HEY2: variants seen among roughly 807,000 people sequenced by gnomAD.
HEY2 encodes the protein hairy/enhancer-of-split related with YRPW motif protein 2.
HEY2 carries 10 observed loss-of-function variants against 18.1 expected under a neutral mutation model. That is an observed-to-expected ratio of 0.55 (90% CI 0.34 to 0.94). The LOEUF (loss-of-function observed/expected upper bound fraction) is 0.94, where lower values mean the gene tolerates loss of function less well. HEY2 is among the 40% of genes least tolerant of loss of function. The pLI is 0.02. For synonymous variants in HEY2, 210 were observed against 182.7 expected (o/e 1.15, Z -1.21); for missense variants, 455 against 455.9 (o/e 1.00, Z 0.02).
chr6:125,759,250 G>A lies in HEY2; in HGVS notation c.462G>A (p.Val154=), dbSNP rs1391354657. The change falls in exon 5 of 5, where the codon GTG becomes GTA. Residue 154 remains valine (V), a synonymous_variant. Coordinates refer to ENST00000368364, the MANE Select transcript of HEY2 (RefSeq NM_012259.3). ...DSSDPLRVRL[V]SHLSTCATQR... The stretch of plus-strand genomic sequence containing the variant: ...CGGATCCGCTGCGGGTGCGGCTTGT[G>A]TCTCATCTCAGCACTTGCGCCACCC... 3 of 1,609,582 alleles carry A rather than the reference G, an allele frequency of 1.9e-6. No homozygotes were observed. Among genetic ancestry groups the A allele is most frequent in the East Asian group, 2.2e-5 (1 of 44,852 alleles).
intron 4 of HEY2, 40 bp from the exon 5 acceptor site, chr6:125,759,077 T>C: frequency 6.7e-7 from 1 of 1,499,958 alleles, no homozygotes; most frequent in Non-Finnish European, 9.0e-7. Flanking sequence ...CTCCCGCCCA[T>C]CTCTCTCCTG....
rs910471341 is a variant in HEY2, at chr6:125,750,227, G to A, written c.83+368G>A. 10 of 983,644 alleles carry A rather than the reference G, an allele frequency of 1.0e-5. No individual in the cohort carries two copies. The Admixed American group carries it at 3.1e-4, about 30-fold the overall frequency. 60.9% of individuals were successfully genotyped at this position (983,644 alleles called of 1,614,324 possible). The stretch of plus-strand genomic sequence containing the variant: ...GGGGCACTTTCAAAATAGATCAGGA[G>A]AAAATAAAAACAATTTGATTTTTGA... On this transcript the variant is annotated intron_variant, in intron 1 of 4. Coordinates refer to ENST00000368364, the MANE Select transcript of HEY2 (RefSeq NM_012259.3).
At chr6:125,755,406 G>A (rs1407354999) in intron 4 of HEY2, among the ~76,000 whole-genome samples, 3 of 152,184 alleles carry the variant, frequency 2.0e-5, no homozygotes, top group African/African-American at 7.2e-5. Flanking sequence ...AGCCAAGGGT[G>A]TTATTCAGTA....
In HEY2 at chr6:125,760,872, G is replaced by A. The variant is rs1773788488; in HGVS notation, c.*1070G>A. 6.6e-6 allele frequency: 1 copy of A among 152,644 alleles called. No homozygotes were observed. Among genetic ancestry groups the A allele is most frequent in the South Asian group, 2.1e-4 (1 of 4,834 alleles). 9.5% of individuals were successfully genotyped at this position (152,644 alleles called of 1,614,324 possible). A position where few individuals can be genotyped will look rare whatever the true frequency, so the allele number is the denominator to read the frequency against. On this transcript the variant is annotated 3_prime_UTR_variant, in exon 5 of 5. Transcript: ENST00000368364. ...TACAATTTTTAAAGCTCTTTGTCAAGTTAGTGATTGCATTTGATCCCAAAA... is the reference window on the plus strand; with the variant it reads ...TACAATTTTTAAAGCTCTTTGTCAAATTAGTGATTGCATTTGATCCCAAAA...
At chr6:125,756,273 G>A (rs1773653744) in intron 4 of HEY2, among the ~76,000 whole-genome samples, 1 of 152,164 alleles carries the variant, frequency 6.6e-6, no homozygotes, top group Non-Finnish European at 1.5e-5. Context: ...TGGCCTTCAA[G>A]AAGGGAGCTG....
chr6:125,761,003 G>A lies in HEY2; in HGVS notation c.*1201G>A, dbSNP rs1338159619. 2.0e-5 allele frequency: 3 copies of A among 152,568 alleles called. No homozygotes were observed. The East Asian group carries it at 5.8e-4, about 29-fold the overall frequency. The allele number at this position is 152,568 out of a possible 1,614,324, so 9.5% of individuals were successfully genotyped here. A position where few individuals can be genotyped will look rare whatever the true frequency, so the allele number is the denominator to read the frequency against. On this transcript the variant is annotated 3_prime_UTR_variant, in exon 5 of 5. Transcript: ENST00000368364. ...TTTGTTTTTTTCGATTTCGTTTAAT[G>A]ACAAAATAATCTCTTAATATGCTGA...
chr6:125,759,331 C>A lies in HEY2; in HGVS notation c.543C>A (p.His181Gln), dbSNP rs144406333. The A allele has an allele frequency of 1.2e-6, 2 of 1,605,152 alleles. No individual in the cohort carries two copies. The highest frequency in any genetic ancestry group is 1.1e-5 in the South Asian group (1 of 90,666). ...TGGCCCACCACCATCATCCGCTCCA[C>A]CCGCATCACTGGGCCGCCGCCTTCC... The part of the protein sequence containing the change: ...SSMAHHHHPL[H>Q]PHHWAAAFHH... Residue 181 changes from histidine to glutamine, a missense_variant, in exon 5 of 5, where the codon CAC (histidine) becomes CAA (glutamine). Transcript: ENST00000368364.
At chr6:125,752,499 A>G (rs1773573137) in intron 3 of HEY2, among the ~76,000 whole-genome samples, 2 of 152,086 alleles carry the variant, frequency 1.3e-5, no homozygotes, top group Admixed American at 6.5e-5. Context: ...AAAAACAATC[A>G]GAGCCCAAGA....
intron 1 of HEY2, chr6:125,750,251 G>T (rs2128527848): frequency 3.0e-6 from 3 of 985,158 alleles, no homozygotes; most frequent in Non-Finnish European, 1.2e-6. Context: ...TTTGATTTTT[G>T]ATTTTTAGAG....
chr6:125,759,244 G>C lies in HEY2; in HGVS notation c.456G>C (p.Arg152=), dbSNP rs1773729925. The part of the protein sequence containing the change: ...GLDSSDPLRV[R]LVSHLSTCAT... ...ACTCCTCGGATCCGCTGCGGGTGCGGCTTGTGTCTCATCTCAGCACTTGCG... is the reference window on the plus strand; with the variant it reads ...ACTCCTCGGATCCGCTGCGGGTGCGCCTTGTGTCTCATCTCAGCACTTGCG... Residue 152 remains arginine, a synonymous_variant, in exon 5 of 5, where the codon CGG becomes CGC. Transcript: ENST00000368364. 1.2e-6 allele frequency: 2 copies of C among 1,609,940 alleles called. No homozygotes were observed. Among genetic ancestry groups the C allele is most frequent in the African/African-American group, 2.7e-5 (2 of 74,924 alleles).
intron 3 of HEY2, among the ~76,000 whole-genome samples, chr6:125,754,062 C>T (rs1292613676): frequency 1.3e-5 from 2 of 152,144 alleles, no homozygotes; most frequent in Non-Finnish European, 2.9e-5. Flanking sequence ...AGTTGTTATG[C>T]AACTCCTCTA....
At position 125,759,192 on chromosome 6, in the gene HEY2, G is replaced by T; in HGVS notation, c.404G>T (p.Arg135Leu). 6.2e-7 allele frequency: 1 copy of T among 1,613,562 alleles called. No homozygotes were observed. The highest frequency in any genetic ancestry group is 8.5e-7 in the Non-Finnish European group (1 of 1,180,010). Reference protein sequence around the residue: ...GFRECLTEVARYLSSVEGLDS... With the variant: ...GFRECLTEVALYLSSVEGLDS... ...CGAGAGTGCCTAACAGAAGTTGCGC[G>T]GTACCTGAGCTCCGTGGAAGGCCTG... The change falls in exon 5 of 5, where the codon CGG (arginine) becomes CTG (leucine). Residue 135 changes from arginine (R) to leucine (L), a missense_variant. Arg to Leu is a moderately radical substitution (Grantham distance 102). Coordinates refer to ENST00000368364, the MANE Select transcript of HEY2 (RefSeq NM_012259.3).
intron 3 of HEY2, among the ~76,000 whole-genome samples, chr6:125,752,851 C>T (rs1239483764): frequency 1.3e-5 from 2 of 152,182 alleles, no homozygotes; most frequent in African/African-American, 4.8e-5. Flanking sequence ...GGCAGCATGT[C>T]CTTGTTGAAA....
rs1773776008 is a variant in HEY2, at chr6:125,760,430, CCTT to C, written c.*632_*634del. ...AAAGATCTAGTTTTATCTTAGTTTG[CCTT>C]CTTTGTACAGACATGCCAAGAGGTG... On this transcript the variant is annotated 3_prime_UTR_variant, in exon 5 of 5. Coordinates refer to ENST00000368364, the MANE Select transcript of HEY2 (RefSeq NM_012259.3). 6.5e-6 allele frequency: 1 copy of C among 152,704 alleles called. No individual in the cohort carries two copies. The highest frequency in any genetic ancestry group is 2.1e-4 in the South Asian group (1 of 4,848). 9.5% of individuals were successfully genotyped at this position (152,704 alleles called of 1,614,324 possible).
intron 4 of HEY2, among the ~76,000 whole-genome samples, chr6:125,755,691 C>G (rs1773640929): frequency 6.6e-6 from 1 of 152,170 alleles, no homozygotes; most frequent in African/African-American, 2.4e-5. Flanking sequence ...CAGAGAAGCC[C>G]CAATGGGTTG....
At position 125,759,954 on chromosome 6, in the gene HEY2, T is replaced by G. The variant is rs1583192118; in HGVS notation, c.*152T>G. On this transcript the variant is annotated 3_prime_UTR_variant, in exon 5 of 5. Transcript: ENST00000368364. ...GAGACACAAACCTCACGAGTGGAAA[T>G]GTGGTATTCTCTTTTTTTTCTCTCC... 7 of 673,744 alleles carry G rather than the reference T, an allele frequency of 1.0e-5. No homozygotes were observed. The East Asian group carries it at 1.9e-4, about 18-fold the overall frequency. 41.7% of individuals were successfully genotyped at this position (673,744 alleles called of 1,614,324 possible). A position where few individuals can be genotyped will look rare whatever the true frequency, so the allele number is the denominator to read the frequency against.
chr6:125,753,990 AG>A, intron 3 of HEY2, among the ~76,000 whole-genome samples: 1 of 152,288 alleles, frequency 6.6e-6, no homozygotes, highest in African/African-American at 2.4e-5. Flanking sequence ...GACTTATTGG[AG>A]TTTTCTATTT....
chr6:125,759,774 C>T lies in HEY2; in HGVS notation c.986C>T (p.Pro329Leu). 5.0e-6 allele frequency: 8 copies of T among 1,613,994 alleles called. No homozygotes were observed. Among genetic ancestry groups the T allele is most frequent in the Non-Finnish European group, 6.8e-6 (8 of 1,180,018 alleles). The change falls in exon 5 of 5, where the codon CCC becomes CTC. Residue 329 changes from proline (P) to leucine (L), a missense_variant. Pro to Leu is a moderately conservative substitution (Grantham distance 98). Coordinates refer to ENST00000368364, the MANE Select transcript of HEY2 (RefSeq NM_012259.3). ...GGAACAAACAATAAACCTTACCGAC[C>T]CTGGGGGACAGAAGTTGGAGCTTTT... Reference protein sequence around the residue: ...SSGTNNKPYRPWGTEVGAF With the variant: ...SSGTNNKPYRLWGTEVGAF
intron 4 of HEY2, among the ~76,000 whole-genome samples, chr6:125,757,603 A>G (rs1773689800): frequency 6.6e-6 from 1 of 152,236 alleles, no homozygotes; most frequent in South Asian, 2.1e-4. Flanking sequence ...TAGGTGATGA[A>G]TAAACAGGTA....
Sources: gnomAD v4.1 joint callset for allele counts (sites outside exome capture counted in the v4.1 genomes callset) on GRCh38, gnomAD v4.1.1 for gene constraint, MANE v1.5 for transcripts, NCBI Gene and HGNC (gene_info 2026-07-23, HGNC 2026-07-21) for gene names.